The following KCNJ6 variants were observed in gnomAD, a reference collection of about 807,000 sequenced individuals.
KCNJ6 encodes the protein potassium inwardly rectifying channel subfamily J member 6.
Under a neutral mutation model 34.2 loss-of-function variants are expected in KCNJ6, and 9 were observed. The ratio of observed to expected loss-of-function variants is 0.26; its 90% confidence interval spans 0.16 to 0.46. KCNJ6 has a LOEUF of 0.46. Among genes scored for constraint, KCNJ6 ranks in the 20% least tolerant of loss-of-function variants. KCNJ6 has a pLI of 1.00. For synonymous variants in KCNJ6, 196 were observed against 207.1 expected (o/e 0.95, Z 0.46); for missense variants, 236 against 531.3 (o/e 0.44, Z 5.46).
intron 2 of KCNJ6, among the ~76,000 whole-genome samples, chr21:37,746,248 C>T (rs1301492565): frequency 6.6e-6 from 1 of 152,140 alleles, no homozygotes; most frequent in Non-Finnish European, 1.5e-5. Flanking sequence ...GACTAACTGT[C>T]TTGGGTGAGG....
intron 1 of KCNJ6, among the ~76,000 whole-genome samples, chr21:37,863,004 C>A (rs756462389): frequency 1.3e-5 from 2 of 152,150 alleles, no homozygotes; most frequent in Non-Finnish European, 2.9e-5. Context: ...CAGAGCCGTG[C>A]TCATGAAGAG....
At chr21:37,688,022 C>G (rs755052853) in intron 3 of KCNJ6, among the ~76,000 whole-genome samples, 1 of 152,092 alleles carries the variant, frequency 6.6e-6, no homozygotes, top group Non-Finnish European at 1.5e-5. Flanking sequence ...GGAAGGTGTC[C>G]TTCTTATCTG....
intron 2 of KCNJ6, among the ~76,000 whole-genome samples, chr21:37,744,933 A>C (rs377363123): frequency 6.6e-6 from 1 of 152,168 alleles, no homozygotes; most frequent in East Asian, 1.9e-4. Flanking sequence ...GTCAAGGAGA[A>C]ATTATACTTC....
chr21:37,681,564 A>T (rs1258960927), intron 3 of KCNJ6, among the ~76,000 whole-genome samples: 1 of 137,318 alleles, frequency 7.3e-6, no homozygotes, highest in East Asian at 2.0e-4. Context: ...GTGTATGCAC[A>T]TGCTTGTTGG....
intron 2 of KCNJ6, among the ~76,000 whole-genome samples, chr21:37,821,545 C>T (rs1246763107): frequency 2.0e-5 from 3 of 152,222 alleles, no homozygotes; most frequent in Non-Finnish European, 2.9e-5. Context: ...TCTCCTTTCC[C>T]CTGCCCCCCC....
intron 2 of KCNJ6, among the ~76,000 whole-genome samples, chr21:37,791,470 T>C (rs952493188): frequency 2.6e-5 from 4 of 152,164 alleles, no homozygotes; most frequent in African/African-American, 9.7e-5. Flanking sequence ...CATTGTCCCC[T>C]GACAAGAGGA....
chr21:37,773,955 C>A (rs1220468918), intron 2 of KCNJ6, among the ~76,000 whole-genome samples: 1 of 152,154 alleles, frequency 6.6e-6, no homozygotes, highest in African/African-American at 2.4e-5. Context: ...TCTGGGTCAC[C>A]CTCATGTGAT....
rs867840102 is a variant in KCNJ6 at position 37,778,267 on chromosome 21, C to A, written c.25+62391G>T. Among the ~76,000 whole-genome samples, 8 of 152,238 alleles carry A rather than the reference C, an allele frequency of 5.3e-5. No homozygotes were observed. In the South Asian group the frequency reaches 1.7e-3, roughly 32 times the overall value. On this transcript the variant is annotated intron_variant, in intron 2 of 3. Coordinates refer to ENST00000609713, the MANE Select transcript of KCNJ6 (RefSeq NM_002240.5). ...CTCAAAGGAAGGATCTCTTCCCCAA[C>A]CCGTTGCTACTTTGCTTTCTGAAAG...
intron 1 of KCNJ6, among the ~76,000 whole-genome samples, chr21:37,895,938 G>A (rs1057030605): frequency 9.9e-5 from 15 of 152,150 alleles, no homozygotes; most frequent in African/African-American, 1.9e-4. Context: ...GTATTACGCC[G>A]TTCTTGGACT....
At chr21:37,705,455 T>A (rs982630085) in intron 3 of KCNJ6, among the ~76,000 whole-genome samples, 2 of 152,214 alleles carry the variant, frequency 1.3e-5, no homozygotes, top group Non-Finnish European at 2.9e-5. Flanking sequence ...AATAAGGTAA[T>A]TGGCATCCAT....
intron 2 of KCNJ6, among the ~76,000 whole-genome samples, chr21:37,782,791 T>A (rs1293133105): frequency 6.6e-6 from 1 of 152,212 alleles, no homozygotes; most frequent in African/African-American, 2.4e-5. Context: ...TGGATATTTA[T>A]CTACACTCAG....
At chr21:37,828,096 T>A (rs2055407522) in intron 2 of KCNJ6, among the ~76,000 whole-genome samples, 1 of 152,180 alleles carries the variant, frequency 6.6e-6, no homozygotes, top group Non-Finnish European at 1.5e-5. Context: ...TTGTGCTAAT[T>A]GTGGAGAAGC....
intron 2 of KCNJ6, among the ~76,000 whole-genome samples, chr21:37,773,477 G>A (rs561728330): frequency 3.3e-5 from 5 of 152,186 alleles, no homozygotes; most frequent in African/African-American, 4.8e-5. Context: ...GTGTGAAGTC[G>A]CTAACTACGG....
intron 3 of KCNJ6, among the ~76,000 whole-genome samples, chr21:37,666,809 A>G (rs2054515615): frequency 6.6e-6 from 1 of 152,008 alleles, no homozygotes; most frequent in African/African-American, 2.4e-5. Context: ...TGTACTAAGA[A>G]AAATTCTTCT....
intron 3 of KCNJ6, among the ~76,000 whole-genome samples, chr21:37,637,890 G>C (rs892607234): frequency 6.6e-6 from 1 of 152,228 alleles, no homozygotes; most frequent in African/African-American, 2.4e-5. Context: ...GCTAGGCAGA[G>C]AGCCCTAAGC....
chr21:37,773,279 T>C (rs1324583594), intron 2 of KCNJ6, among the ~76,000 whole-genome samples: 1 of 152,190 alleles, frequency 6.6e-6, no homozygotes, highest in Non-Finnish European at 1.5e-5. Flanking sequence ...TTCTGTAGCA[T>C]GCTGGGTTCC....
intron 2 of KCNJ6, among the ~76,000 whole-genome samples, chr21:37,817,078 T>C (rs1001007637): frequency 6.6e-6 from 1 of 152,196 alleles, no homozygotes; most frequent in African/African-American, 2.4e-5. Context: ...TACTTCTCTG[T>C]GTCTCTGTTT....
rs7277538 is a variant in KCNJ6 at position 37,861,095 on chromosome 21, G to A, written c.-27-20386C>T. 3.9e-3 allele frequency among the ~76,000 whole-genome samples: 599 copies of A among 152,342 alleles called. 1 individual carries two copies. The highest frequency in any genetic ancestry group is 0.013 in the African/African-American group (535 of 41,580). ...AACCACTTAGAAGGCTGACAGGCAG[G>A]AGGTGAGGACTACATCAATCTTTGT... On this transcript the variant is annotated intron_variant, in intron 1 of 3. Coordinates refer to ENST00000609713, the MANE Select transcript of KCNJ6 (RefSeq NM_002240.5).
intron 2 of KCNJ6, among the ~76,000 whole-genome samples, chr21:37,798,794 T>C (rs2055255407): frequency 6.6e-6 from 1 of 152,044 alleles, no homozygotes; most frequent in South Asian, 2.1e-4. Context: ...AAGGCTTCTT[T>C]TTGAGGTGAT....
Sources: gnomAD v4.1 joint callset for allele counts (sites outside exome capture counted in the v4.1 genomes callset) on GRCh38, gnomAD v4.1.1 for gene constraint, MANE v1.5 for transcripts, NCBI Gene and HGNC (gene_info 2026-07-23, HGNC 2026-07-21) for gene names.